Variants in MAP3K21 observed in about 807,000 individuals in gnomAD.
MAP3K21 encodes mitogen-activated protein kinase kinase kinase MLK4.
In MAP3K21, 63 loss-of-function variants were observed where a neutral mutation model predicts 86.1. The observed-to-expected ratio is 0.73, with a 90% CI of 0.60 to 0.90. The LOEUF (loss-of-function observed/expected upper bound fraction) is 0.90, where lower values mean the gene tolerates loss of function less well. Ranked by LOEUF, MAP3K21 falls within the 40% of genes least tolerant of loss-of-function variation. The probability of loss-of-function intolerance (pLI) is 0.00; values close to 1 mark genes in which losing one functional copy is unlikely to be tolerated. For synonymous variants in MAP3K21, 558 were observed against 564.8 expected (o/e 0.99, Z 0.17); for missense variants, 1,220 against 1,367.7 (o/e 0.89, Z 1.70).
intron 4 of MAP3K21, among the ~76,000 whole-genome samples, chr1:233,358,058 G>T (rs1303845656): frequency 1.4e-5 from 2 of 146,520 alleles, no homozygotes; most frequent in African/African-American, 5.1e-5. Context: ...GTGCCTGATG[G>T]GTTTTTTTTT....
At chr1:233,375,895 G>A in intron 6 of MAP3K21, 21 bp from the exon 7 acceptor site, 1 of 1,596,196 alleles carries the variant, frequency 6.3e-7, no homozygotes, top group Non-Finnish European at 8.6e-7. Context: ...TGGTTAATAT[G>A]GTTAATAATG....
Position 233,354,944 on chromosome 1 carries a change from A to T in MAP3K21, c.1244A>T (p.His415Leu). Residue 415 changes from histidine (H) to leucine (L), a missense_variant, in exon 4 of 10, where the codon CAT (histidine) becomes CTT (leucine). Coordinates refer to ENST00000366624, the MANE Select transcript of MAP3K21 (RefSeq NM_032435.3). ...VMTEMPQESF[H>L]SMQDDWKLEI... ...ACTGAGATGCCTCAAGAATCTTTTCATTCCATGCAAGATGACTGGAAACTA... is the reference window on the plus strand; with the variant it reads ...ACTGAGATGCCTCAAGAATCTTTTCTTTCCATGCAAGATGACTGGAAACTA... 6.2e-7 allele frequency: 1 copy of T among 1,613,988 alleles called. No individual in the cohort carries two copies. Among genetic ancestry groups the T allele is most frequent in the Non-Finnish European group, 8.5e-7 (1 of 1,179,844 alleles).
intron 5 of MAP3K21, among the ~76,000 whole-genome samples, chr1:233,368,369 G>T (rs1663619268): frequency 6.6e-6 from 1 of 152,096 alleles, no homozygotes; most frequent in African/African-American, 2.4e-5. Flanking sequence ...GGAATGACTT[G>T]GGGCTAGGTG....
intron 4 of MAP3K21, 35 bp downstream of exon 4, chr1:233,355,046 A>T: frequency 1.3e-6 from 2 of 1,486,620 alleles, no homozygotes; most frequent in Non-Finnish European, 1.9e-6. Flanking sequence ...AATGTACTCA[A>T]ATTTATGAAA....
At chr1:233,375,846 C>A in intron 6 of MAP3K21, 70 bp from the exon 7 acceptor site, 3 of 1,282,374 alleles carry the variant, frequency 2.3e-6, no homozygotes, top group Non-Finnish European at 3.3e-6. Context: ...ATTCATTTAG[C>A]TTTTTTAACA....
chr1:233,353,747 T>C, intron 2 of MAP3K21, 60 bp from the exon 3 acceptor site: 1 of 1,413,160 alleles, frequency 7.1e-7, no homozygotes, highest in Non-Finnish European at 9.4e-7. Flanking sequence ...TCTCACTAAG[T>C]GTGTCATAAG....
chr1:233,353,614 A>G (rs920327044), intron 2 of MAP3K21, among the ~76,000 whole-genome samples, 193 bp from the exon 3 acceptor site: 6 of 152,190 alleles, frequency 3.9e-5, no homozygotes, highest in Non-Finnish European at 8.8e-5. Flanking sequence ...GATGGAATGT[A>G]TTTACATGTG....
At position 233,328,067 on chromosome 1, in the gene MAP3K21, G is replaced by A. The variant is rs1234219496; in HGVS notation, c.39G>A (p.Pro13=). The A allele has an allele frequency of 7.4e-7, 1 of 1,342,402 alleles. No individual in the cohort carries two copies. Among genetic ancestry groups the A allele is most frequent in the Non-Finnish European group, 9.5e-7 (1 of 1,053,778 alleles). 83.2% of individuals were successfully genotyped at this position (1,342,402 alleles called of 1,614,324 possible). ...GCGCCGCGGGAGCGACCGACACCCCGGTGTCCTCGGCCGGGGGAGCCCCCG... is the reference window on the plus strand; with the variant it reads ...GCGCCGCGGGAGCGACCGACACCCCAGTGTCCTCGGCCGGGGGAGCCCCCG... ...LRGAAGATDT[P]VSSAGGAPGG... is the part of the protein sequence containing the mutation. The change falls in exon 1 of 10, where the codon CCG becomes CCA. Residue 13 remains proline (P), a synonymous_variant. Coordinates refer to ENST00000366624, the MANE Select transcript of MAP3K21 (RefSeq NM_032435.3). This position sits in a 1 kb window ranked among gnomAD's most constrained non-coding sequence, Gnocchi z 8.7.
At chr1:233,353,679 G>C (rs1558456070) in intron 2 of MAP3K21, 128 bp from the exon 3 acceptor site, 2 of 847,002 alleles carry the variant, frequency 2.4e-6, no homozygotes, top group East Asian at 6.0e-5. Flanking sequence ...CAGCCATTTA[G>C]GGGCTTTTCT....
chr1:233,369,429 G>T (rs1017040019), intron 5 of MAP3K21, among the ~76,000 whole-genome samples: 6 of 151,988 alleles, frequency 3.9e-5, no homozygotes, highest in African/African-American at 9.7e-5. Context: ...CGTGATATGG[G>T]AATTTACCAA....
rs1663695355 is a variant in MAP3K21, at chr1:233,372,090, G to C, written c.1605G>C (p.Arg535=). ...VQASPNLDKR[R]SLNSSSSSPP... Reference sequence around the variant, plus strand: ...CCTCTCCCAACTTGGACAAACGGCGGAGCCTGAACAGCAGCAGTTCCAGTC... The same window carrying C: ...CCTCTCCCAACTTGGACAAACGGCGCAGCCTGAACAGCAGCAGTTCCAGTC... The change falls in exon 6 of 10, where the codon CGG becomes CGC. Residue 535 remains arginine, a synonymous_variant. Coordinates refer to ENST00000366624, the MANE Select transcript of MAP3K21 (RefSeq NM_032435.3). 1.9e-6 allele frequency: 3 copies of C among 1,614,134 alleles called. No individual in the cohort carries two copies. The highest frequency in any genetic ancestry group is 3.3e-4 in the Middle Eastern group (2 of 6,062).
chr1:233,358,239 G>A (rs1451472732), intron 4 of MAP3K21, among the ~76,000 whole-genome samples: 1 of 151,822 alleles, frequency 6.6e-6, no homozygotes, highest in East Asian at 1.9e-4. Context: ...CTCTTAGTAT[G>A]TGCTAAATTA....
At chr1:233,356,613 A>T (rs1262530057) in intron 4 of MAP3K21, among the ~76,000 whole-genome samples, 4 of 152,204 alleles carry the variant, frequency 2.6e-5, no homozygotes, top group Non-Finnish European at 1.5e-5. Flanking sequence ...AGAAACTCAC[A>T]CATGTGCCCA....
chr1:233,330,224 A>G (rs971765504), intron 1 of MAP3K21, among the ~76,000 whole-genome samples: 7 of 152,238 alleles, frequency 4.6e-5, no homozygotes, highest in South Asian at 2.1e-4. Context: ...GTTTTATTTC[A>G]TGATCCTCCT....
At chr1:233,353,729 A>G in intron 2 of MAP3K21, 78 bp from the exon 3 acceptor site, 8 of 1,318,604 alleles carry the variant, frequency 6.1e-6, no homozygotes, top group Non-Finnish European at 8.0e-6. Flanking sequence ...AAGGTACTGA[A>G]GGGTTTATCT....
chr1:233,368,741 C>T (rs1344648924), intron 5 of MAP3K21, among the ~76,000 whole-genome samples: 2 of 152,162 alleles, frequency 1.3e-5, no homozygotes, highest in African/African-American at 2.4e-5. Flanking sequence ...CAAATCTCCT[C>T]CAGCCTGCTG....
intron 1 of MAP3K21, 24 bp from the exon 2 acceptor site, chr1:233,346,418 G>A (rs1464134804): frequency 6.4e-7 from 1 of 1,557,444 alleles, no homozygotes; most frequent in Non-Finnish European, 8.8e-7. Context: ...ATATGCAAAT[G>A]TCTCACTTTT....
chr1:233,366,079 G>A (rs541274669), intron 5 of MAP3K21, among the ~76,000 whole-genome samples: 2 of 152,272 alleles, frequency 1.3e-5, no homozygotes, highest in South Asian at 4.1e-4. Flanking sequence ...GTTAAGTGAA[G>A]TAAGTCAGGC....
intron 8 of MAP3K21, among the ~76,000 whole-genome samples, chr1:233,378,729 G>T (rs1663845770): frequency 6.6e-6 from 1 of 152,200 alleles, no homozygotes; most frequent in Admixed American, 6.5e-5. Flanking sequence ...TGGTTCATCT[G>T]CAGGGAACCT....
Sources: allele counts gnomAD v4.1 joint callset (sites outside exome capture counted in the v4.1 genomes callset), GRCh38; gene constraint gnomAD v4.1.1; non-coding constraint Gnocchi (gnomAD v3.1); transcripts MANE v1.5; gene names NCBI Gene and HGNC (gene_info 2026-07-23, HGNC 2026-07-21).